Variants in AVEN observed in about 807,000 individuals in gnomAD.
AVEN encodes the protein apoptosis and caspase activation inhibitor, also known as cell death regulator Aven.
A neutral mutation model predicts 38.1 loss-of-function variants in AVEN; 41 were observed. The ratio of observed to expected loss-of-function variants is 1.08; its 90% CI spans 0.84 to 1.40. The LOEUF is 1.40. Among genes scored for constraint, AVEN ranks in the 40% most tolerant of loss-of-function variants. The pLI is 0.00. For synonymous variants in AVEN, 206 were observed against 171.8 expected, an observed-to-expected ratio of 1.20 and a Z score of -1.56; for missense variants, 605 against 438.8, an observed-to-expected ratio of 1.38 and a Z score of -3.38.
intron 2 of AVEN, among the ~76,000 whole-genome samples, chr15:33,925,297 T>C (rs1255493197): frequency 1.3e-5 from 2 of 152,208 alleles, no homozygotes; most frequent in Non-Finnish European, 2.9e-5. Context: ...GGGAGACATC[T>C]ACCCCAACCT....
At chr15:33,866,883 G>A (rs1384048099) in intron 5 of AVEN, among the ~76,000 whole-genome samples, 155 bp from the exon 6 acceptor site, 1 of 152,030 alleles carries the variant, frequency 6.6e-6, no homozygotes, top group South Asian at 2.1e-4. Flanking sequence ...AAATAAAGCT[G>A]GGTAGAGGAT....
At chr15:33,942,352 A>T (rs1388436559) in intron 2 of AVEN, among the ~76,000 whole-genome samples, 1 of 152,232 alleles carries the variant, frequency 6.6e-6, no homozygotes, top group African/African-American at 2.4e-5. Context: ...CATTATTGAC[A>T]TAATTCAAGA....
intron 2 of AVEN, among the ~76,000 whole-genome samples, chr15:33,933,532 G>C (rs3926164): frequency 0.081 from 3,551 of 43,772 alleles, 29 homozygotes; most frequent in African/African-American, 0.11. Context: ...CACAGAGAGA[G>C]AGAGAGAGAG....
intron 5 of AVEN, among the ~76,000 whole-genome samples, chr15:34,044,455 T>TAA (rs1275035080): frequency 3.3e-5 from 5 of 152,236 alleles, no homozygotes; most frequent in Non-Finnish European, 5.9e-5. Context: ...AAGATATATA[T>TAA]AATCCTTGCC....
intron 2 of AVEN, among the ~76,000 whole-genome samples, chr15:33,989,823 T>C: frequency 6.6e-6 from 1 of 151,652 alleles, no homozygotes; most frequent in Middle Eastern, 3.4e-3. Context: ...TCTTAATTTT[T>C]TTAAGGAGAG....
intron 11 of AVEN, chr15:33,860,519 G>A: frequency 1.2e-6 from 1 of 814,474 alleles, no homozygotes; most frequent in Non-Finnish European, 1.9e-6. Flanking sequence ...ACAGAACAAA[G>A]TAGCTTCTTC....
intron 2 of AVEN, among the ~76,000 whole-genome samples, chr15:33,954,042 C>A (rs891537712): frequency 3.3e-5 from 5 of 152,138 alleles, no homozygotes; most frequent in Non-Finnish European, 7.4e-5. Context: ...CCAACAGACA[C>A]ATGAAAAAAT....
chr15:33,982,477 A>T (rs1054140756), intron 2 of AVEN, among the ~76,000 whole-genome samples: 1 of 152,250 alleles, frequency 6.6e-6, no homozygotes, highest in Admixed American at 6.5e-5. Flanking sequence ...TCTGGAGCAA[A>T]GCAATAACAT....
At chr15:34,073,478 G>T (rs1216616579) in intron 1 of AVEN, among the ~76,000 whole-genome samples, 3 of 150,132 alleles carry the variant, frequency 2.0e-5, no homozygotes, top group Non-Finnish European at 4.4e-5. Context: ...ATAAGGCTTC[G>T]AGTAACATAG....
At chr15:33,895,171 T>C (rs1892183106) in intron 2 of AVEN, among the ~76,000 whole-genome samples, 1 of 152,152 alleles carries the variant, frequency 6.6e-6, no homozygotes, top group Admixed American at 6.5e-5. Flanking sequence ...CTCTCTAGTA[T>C]GACAATGTAT....
At chr15:33,858,552 G>T (rs1021473043), downstream of AVEN, 3 of 41,632 alleles carry the variant, frequency 7.2e-5, no homozygotes, top group African/African-American at 1.2e-4. Context: ...AAATTTCATG[G>T]AAGTTGAGCT....
chr15:33,875,290 C>T (rs1891171561), intron 3 of AVEN, among the ~76,000 whole-genome samples: 1 of 152,134 alleles, frequency 6.6e-6, no homozygotes, highest in Non-Finnish European at 1.5e-5. Context: ...TCACAAGTCA[C>T]CACTATGTCC....
chr15:34,059,745 C>A (rs1900275349), intron 5 of AVEN, among the ~76,000 whole-genome samples: 1 of 148,580 alleles, frequency 6.7e-6, no homozygotes, highest in South Asian at 2.2e-4. Flanking sequence ...TGACTTCATT[C>A]TTCAAGTCTC....
rs66519745 is a variant in AVEN, at chr15:34,029,517, C to CAAA, written c.267+9260_267+9262dup. Among the ~76,000 whole-genome samples the CAAA allele has an allele frequency of 9.4e-4, 111 of 118,560 alleles. No homozygotes were observed. In the South Asian group the frequency reaches 0.011, roughly 12 times the overall value. 77.8% of individuals were successfully genotyped at this position (118,560 alleles called of 152,430 possible). On this transcript the variant is annotated intron_variant, in intron 1 of 5. Transcript: ENST00000306730. The stretch of plus-strand genomic sequence containing the variant: ...GCAACATAGGTAGACCCTATTTCTA[C>CAAA]AAAAAAAAAAAAAAAAAAAAAAAAT...
intron 1 of AVEN, among the ~76,000 whole-genome samples, chr15:34,022,287 C>A (rs1898235868): frequency 6.6e-6 from 1 of 152,178 alleles, no homozygotes; most frequent in Admixed American, 6.5e-5. Context: ...AGAGGCAGAA[C>A]AATTAACAAG....
downstream of AVEN, chr15:33,865,412 T>C: frequency 1.8e-6 from 1 of 545,840 alleles, no homozygotes; most frequent in Non-Finnish European, 3.2e-6. Flanking sequence ...GGACATACAC[T>C]GTGGGAGAGA....
chr15:33,904,364 G>A (rs1421911514), intron 2 of AVEN, among the ~76,000 whole-genome samples: 10 of 152,224 alleles, frequency 6.6e-5, no homozygotes, highest in Admixed American at 5.9e-4. Context: ...AAACTGCAGT[G>A]AGCTATGATC....
chr15:34,034,879 G>C (rs1009449162), intron 1 of AVEN, among the ~76,000 whole-genome samples: 6 of 152,102 alleles, frequency 3.9e-5, no homozygotes, highest in African/African-American at 1.4e-4. Context: ...TTTGCTTCAG[G>C]CTTTCTGGAA....
intron 2 of AVEN, among the ~76,000 whole-genome samples, chr15:33,949,476 T>C (rs1212492442): frequency 6.6e-6 from 1 of 152,204 alleles, no homozygotes; most frequent in Non-Finnish European, 1.5e-5. Context: ...ATTTGATCAT[T>C]ATTCATTGTA....
Sources: gnomAD v4.1 joint callset for allele counts (sites outside exome capture counted in the v4.1 genomes callset) on GRCh38, gnomAD v4.1.1 for gene constraint, MANE v1.5 for transcripts, NCBI Gene and HGNC (gene_info 2026-07-23, HGNC 2026-07-21) for gene names.